Variants in EXOC6B observed in about 807,000 individuals in gnomAD.
The protein encoded by EXOC6B is SEC15 homolog B.
EXOC6B carries 54 observed loss-of-function variants against 113.5 expected under a neutral mutation model. That is an observed-to-expected ratio of 0.48 (90% CI 0.38 to 0.60). The LOEUF is 0.60. Among genes scored for constraint, EXOC6B ranks in the 20% least tolerant of loss-of-function variants. EXOC6B has a pLI of 0.00. For missense variants in EXOC6B, 797 were observed against 977.5 expected (o/e 0.82, Z 2.46); for synonymous variants, 357 against 339.0 (o/e 1.05, Z -0.58).
chr2:72,345,037 T>A (rs549264351), intron 19 of EXOC6B, among the ~76,000 whole-genome samples: 176 of 152,180 alleles, frequency 1.2e-3, no homozygotes, highest in African/African-American at 4.1e-3. Context: ...TCCCATAAGC[T>A]GTGGGTAAGC....
intron 19 of EXOC6B, among the ~76,000 whole-genome samples, chr2:72,378,649 A>T (rs1264176353): frequency 6.6e-6 from 1 of 152,244 alleles, no homozygotes; most frequent in Non-Finnish European, 1.5e-5. Flanking sequence ...AGCACTGCCA[A>T]TAAAACCTTA....
At chr2:72,651,032 A>ACC (rs1674132142) in intron 6 of EXOC6B, among the ~76,000 whole-genome samples, 1 of 152,188 alleles carries the variant, frequency 6.6e-6, no homozygotes, top group Admixed American at 6.5e-5. Context: ...GACTAGTATC[A>ACC]CCCAAGTATT....
intron 6 of EXOC6B, among the ~76,000 whole-genome samples, chr2:72,595,954 T>C (rs1670056284): frequency 6.6e-6 from 1 of 151,932 alleles, no homozygotes; most frequent in Non-Finnish European, 1.5e-5. Flanking sequence ...GAACTTGAAG[T>C]CTAAAAATCT....
chr2:72,589,531 A>G (rs935594264), intron 6 of EXOC6B, among the ~76,000 whole-genome samples: 8 of 34,562 alleles, frequency 2.3e-4, no homozygotes, highest in Non-Finnish European at 1.6e-3. Flanking sequence ...ACATTCCAGG[A>G]AAAAAAAAAG....
intron 16 of EXOC6B, among the ~76,000 whole-genome samples, chr2:72,485,099 T>C (rs1032700606): frequency 6.6e-6 from 1 of 152,174 alleles, no homozygotes; most frequent in East Asian, 1.9e-4. Context: ...TGTAAAAGCA[T>C]TCCTATTTCT....
At chr2:72,463,021 A>G (rs1697799052) in intron 18 of EXOC6B, 1 of 152,092 alleles carries the variant, frequency 6.6e-6, no homozygotes, top group African/African-American at 2.4e-5. Context: ...ATGTAATAAA[A>G]TGTCTTTCTA....
chr2:72,209,321 G>A (rs762092916), intron 20 of EXOC6B, among the ~76,000 whole-genome samples: 15 of 151,372 alleles, frequency 9.9e-5, no homozygotes, highest in Non-Finnish European at 2.1e-4. Flanking sequence ...TTAACTGTGA[G>A]CATTTACCAG....
chr2:72,714,235 C>CA (rs1214301506), intron 6 of EXOC6B, among the ~76,000 whole-genome samples: 5 of 151,964 alleles, frequency 3.3e-5, no homozygotes, highest in Non-Finnish European at 4.4e-5. Flanking sequence ...TTGCCCCCAA[C>CA]AAAAAAATCT....
intron 16 of EXOC6B, among the ~76,000 whole-genome samples, chr2:72,490,198 A>G (rs1270664311): frequency 6.6e-6 from 1 of 152,184 alleles, no homozygotes; most frequent in Non-Finnish European, 1.5e-5. Context: ...AGGCAGTACA[A>G]TACAGTAGAA....
intron 20 of EXOC6B, among the ~76,000 whole-genome samples, chr2:72,202,179 G>GAAT (rs1679533089): frequency 1.3e-5 from 2 of 152,162 alleles, no homozygotes; most frequent in Admixed American, 1.3e-4. Context: ...TCTCAATCAG[G>GAAT]TGAATTTTTA....
At chr2:72,785,959 C>T (rs1371675044) in intron 1 of EXOC6B, among the ~76,000 whole-genome samples, 1 of 152,210 alleles carries the variant, frequency 6.6e-6, no homozygotes, top group Non-Finnish European at 1.5e-5. Context: ...TGTGGTGGCT[C>T]ACACCTGTAA....
intron 19 of EXOC6B, among the ~76,000 whole-genome samples, chr2:72,379,269 T>C (rs1427512047): frequency 6.6e-6 from 1 of 152,228 alleles, no homozygotes; most frequent in African/African-American, 2.4e-5. Context: ...AGCCACTCTT[T>C]AAGTTTTGTA....
At chr2:72,615,937 C>T (rs1671363130) in intron 6 of EXOC6B, among the ~76,000 whole-genome samples, 1 of 151,980 alleles carries the variant, frequency 6.6e-6, no homozygotes, top group African/African-American at 2.4e-5. Context: ...TAGGCCCATA[C>T]TAATATACAT....
chr2:72,775,071 G>A (rs765016915), intron 1 of EXOC6B, among the ~76,000 whole-genome samples: 1 of 152,106 alleles, frequency 6.6e-6, no homozygotes, highest in Non-Finnish European at 1.5e-5. Flanking sequence ...GAGCTTCCAT[G>A]TCCCCTTCAG....
chr2:72,639,051 G>A (rs1056538343), intron 6 of EXOC6B, among the ~76,000 whole-genome samples: 1 of 152,160 alleles, frequency 6.6e-6, no homozygotes, highest in Non-Finnish European at 1.5e-5. Context: ...CTGTGACCAT[G>A]CACTATCTCA....
At chr2:72,319,200 T>G (rs1487137784) in intron 20 of EXOC6B, among the ~76,000 whole-genome samples, 1 of 151,978 alleles carries the variant, frequency 6.6e-6, no homozygotes, top group African/African-American at 2.4e-5. Flanking sequence ...GTAAAACTGA[T>G]GGACCATTTA....
intron 18 of EXOC6B, among the ~76,000 whole-genome samples, chr2:72,382,573 A>G (rs1171861765): frequency 6.6e-6 from 1 of 152,120 alleles, no homozygotes; most frequent in African/African-American, 2.4e-5. Flanking sequence ...GAATGTTATA[A>G]ATAGTTTGAT....
intron 1 of EXOC6B, among the ~76,000 whole-genome samples, chr2:72,751,057 G>GA (rs970243380): frequency 1.0e-4 from 15 of 150,506 alleles, no homozygotes; most frequent in Admixed American, 2.7e-4. Context: ...ACCAAGAAAA[G>GA]AAAAAAAAAC....
intron 21 of EXOC6B, 81 bp from the exon 22 acceptor site, chr2:72,179,542 A>G: frequency 6.6e-7 from 1 of 1,515,892 alleles, no homozygotes; most frequent in African/African-American, 1.4e-5. Flanking sequence ...GCAGGATGGC[A>G]ATGCATCTTA....
Sources: gnomAD v4.1 joint callset for allele counts (sites outside exome capture counted in the v4.1 genomes callset) on GRCh38, gnomAD v4.1.1 for gene constraint, MANE v1.5 for transcripts, NCBI Gene and HGNC (gene_info 2026-07-23, HGNC 2026-07-21) for gene names.